Variants in ITPR2 observed in about 807,000 individuals in gnomAD.
ITPR2 encodes the protein inositol 1,4,5-trisphosphate-gated calcium channel ITPR2.
In ITPR2, 207 loss-of-function variants were observed where a neutral mutation model predicts 317.1. That is an observed-to-expected ratio of 0.65 (90% confidence interval 0.58 to 0.73). The LOEUF (loss-of-function observed/expected upper bound fraction) is 0.73, where lower values mean the gene tolerates loss of function less well. ITPR2 is among the 30% of genes least tolerant of loss of function. The pLI is 0.00. For synonymous variants in ITPR2, 1,156 were observed against 1,149.1 expected (o/e 1.01, Z -0.12); for missense variants, 2,613 against 3,284.0 (o/e 0.80, Z 4.99).
chr12:26,739,047 C>T (rs1163953943), intron 2 of ITPR2, among the ~76,000 whole-genome samples: 3 of 152,132 alleles, frequency 2.0e-5, no homozygotes, highest in Non-Finnish European at 2.9e-5. Flanking sequence ...CTAACAAGTA[C>T]ATAAAAATAC....
At position 26,588,266 on chromosome 12, in the gene ITPR2, T is replaced by C. The variant is rs1945589058; in HGVS notation, c.4380+7199A>G. ...CAGAGAAGGGATCCATTCCAAAGTC[T>C]GAGCCTGGCACACTCCAATATTTAG... is the stretch of plus-strand genomic sequence containing the variant. On this transcript the variant is annotated intron_variant, in intron 32 of 56. Coordinates refer to ENST00000381340, the MANE Select transcript of ITPR2 (RefSeq NM_002223.4). Among the ~76,000 whole-genome samples, 6 of 152,232 alleles carry C rather than the reference T, an allele frequency of 3.9e-5. No individual in the cohort carries two copies. In the South Asian group the frequency reaches 1.2e-3, roughly 32 times the overall value.
chr12:26,514,682 T>C (rs531766261), intron 37 of ITPR2, among the ~76,000 whole-genome samples: 1 of 152,336 alleles, frequency 6.6e-6, no homozygotes, highest in South Asian at 2.1e-4. Flanking sequence ...GCATTTATTT[T>C]CTGCCTGTTG....
At chr12:26,829,631 C>T (rs537964021) in intron 1 of ITPR2, among the ~76,000 whole-genome samples, 35 of 152,276 alleles carry the variant, frequency 2.3e-4, no homozygotes, top group Admixed American at 3.9e-4. Context: ...CCATTTAAGT[C>T]CTAGGCTCAC....
intron 26 of ITPR2, among the ~76,000 whole-genome samples, chr12:26,612,322 TA>T (rs1429894092): frequency 6.6e-6 from 1 of 152,188 alleles, no homozygotes; most frequent in Non-Finnish European, 1.5e-5. Context: ...GTTAGACCAT[TA>T]TGAGCTGTTT....
chr12:26,772,486 TAATACATATA>T (rs1949877351), intron 2 of ITPR2, among the ~76,000 whole-genome samples: 2 of 72,208 alleles, frequency 2.8e-5, no homozygotes, highest in African/African-American at 6.9e-5. Flanking sequence ...ATAATATATA[TAATACATATA>T]ATACATGTAT....
At chr12:26,391,597 C>T (rs1311086025) in intron 54 of ITPR2, among the ~76,000 whole-genome samples, 1 of 103,014 alleles carries the variant, frequency 9.7e-6, no homozygotes, top group Non-Finnish European at 1.8e-5. Flanking sequence ...CAGAGTCTTG[C>T]TCTGTCACCC....
chr12:26,470,495 GATAA>G (rs983310977), intron 45 of ITPR2, among the ~76,000 whole-genome samples: 5 of 152,150 alleles, frequency 3.3e-5, no homozygotes, highest in African/African-American at 9.7e-5. Flanking sequence ...TAAAATAAGA[GATAA>G]ATACTTTCTA....
intron 34 of ITPR2, among the ~76,000 whole-genome samples, chr12:26,566,270 G>A (rs1944982808): frequency 1.5e-5 from 2 of 133,542 alleles, no homozygotes; most frequent in Admixed American, 7.4e-5. Context: ...GAGAGGAGAA[G>A]GAGAGGAGAG....
At chr12:26,556,153 T>C in intron 36 of ITPR2, 80 bp downstream of exon 36, 1 of 1,366,854 alleles carries the variant, frequency 7.3e-7, no homozygotes, top group Non-Finnish European at 1.0e-6. Context: ...TCATTTTATA[T>C]CAGTGAAGTA....
intron 55 of ITPR2, among the ~76,000 whole-genome samples, chr12:26,362,939 C>G (rs778981166): frequency 1.2e-4 from 19 of 152,132 alleles, no homozygotes; most frequent in Non-Finnish European, 2.8e-4. Context: ...CCCCAATGCT[C>G]CCCAAGACAC....
chr12:26,505,275 A>G (rs1409705504), intron 37 of ITPR2, among the ~76,000 whole-genome samples: 1 of 152,172 alleles, frequency 6.6e-6, no homozygotes, highest in Non-Finnish European at 1.5e-5. Flanking sequence ...AATCCATAGC[A>G]TTACTTTAGG....
chr12:26,402,648 T>C (rs1940214437), intron 52 of ITPR2, among the ~76,000 whole-genome samples: 1 of 152,196 alleles, frequency 6.6e-6, no homozygotes, highest in Non-Finnish European at 1.5e-5. Flanking sequence ...ATGCCAGCAA[T>C]CATCCTGCTC....
intron 21 of ITPR2, among the ~76,000 whole-genome samples, chr12:26,645,894 A>T (rs1038384714): frequency 4.1e-5 from 6 of 146,698 alleles, no homozygotes; most frequent in Non-Finnish European, 1.5e-5. Context: ...CTGATCCCCC[A>T]TTTCCACATA....
chr12:26,725,498 T>A (rs1948904475), intron 3 of ITPR2, 152 bp downstream of exon 3: 6 of 604,532 alleles, frequency 9.9e-6, no homozygotes, highest in Non-Finnish European at 1.8e-5. Context: ...ACCCTATTAC[T>A]TGAAAAGCCC....
At position 26,587,159 on chromosome 12, in the gene ITPR2, T is replaced by TATTTGAAGCTAAATAATATTGTGAAATA. The variant is rs1286976174; in HGVS notation, c.4381-7005_4381-7004insTATTTCACAATATTATTTAGCTTCAAAT. ...TATTTTTAGCTTCATATGACATTTA[T>TATTTGAAGCTAAATAATATTGTGAAATA]TTATTTCACAAATATTTACTGAGTA... On this transcript the variant is annotated intron_variant, in intron 32 of 56. Coordinates refer to ENST00000381340, the MANE Select transcript of ITPR2 (RefSeq NM_002223.4). 3.7e-3 allele frequency among the ~76,000 whole-genome samples: 568 copies of TATTTGAAGCTAAATAATATTGTGAAATA among 151,856 alleles called. 1 individual carries two copies. The highest frequency in any genetic ancestry group is 7.1e-3 in the Admixed American group (109 of 15,250).
chr12:26,740,034 C>T (rs998278336), intron 2 of ITPR2, among the ~76,000 whole-genome samples: 11 of 152,170 alleles, frequency 7.2e-5, no homozygotes, highest in East Asian at 1.9e-4. Flanking sequence ...TCCCCGCACA[C>T]GGCAGCTCTC....
At chr12:26,579,894 C>T in intron 33 of ITPR2, 133 bp downstream of exon 33, 2 of 601,710 alleles carry the variant, frequency 3.3e-6, no homozygotes, top group Non-Finnish European at 5.6e-6. Context: ...CAGAAAGAGG[C>T]ATAATAGTAA....
chr12:26,345,074 A>C (rs189839441), intron 55 of ITPR2, among the ~76,000 whole-genome samples: 114 of 152,250 alleles, frequency 7.5e-4, no homozygotes, highest in African/African-American at 2.6e-3. Flanking sequence ...CAAATATATA[A>C]TGTACAACTA....
At chr12:26,812,993 A>C (rs7968972) in intron 1 of ITPR2, among the ~76,000 whole-genome samples, 1,710 of 152,378 alleles carry the variant, frequency 0.011, 24 homozygotes, top group African/African-American at 0.039. Context: ...TTAAATACTT[A>C]AAACAGAAGA....
Sources: gnomAD v4.1 joint callset for allele counts (sites outside exome capture counted in the v4.1 genomes callset) on GRCh38, gnomAD v4.1.1 for gene constraint, MANE v1.5 for transcripts, NCBI Gene and HGNC (gene_info 2026-07-23, HGNC 2026-07-21) for gene names.